PRPS2: variants seen among roughly 807,000 people sequenced by gnomAD.
PRPS2 encodes ribose-phosphate pyrophosphokinase 2.
For synonymous variants in PRPS2, 111 were observed against 115.3 expected (o/e 0.96, Z 0.24); for missense variants, 104 against 271.5 (o/e 0.38, Z 4.34).
chrX:12,800,665 C>A (rs1231598658), intron 2 of PRPS2, among the ~76,000 whole-genome samples: 1 of 111,877 alleles, frequency 8.9e-6, no homozygotes, highest in African/African-American at 3.3e-5. Flanking sequence ...CCCCAATATG[C>A]TGCTTTTTAT....
chrX:12,820,695 C>A lies in PRPS2; in HGVS notation c.756C>A (p.Ile252=). ...TKVYAILTHG[I]FSGPAISRIN... ...TGTATGCTATCCTTACCCATGGGAT[C>A]TTCTCTGGACCAGCTATTTCCAGAA... is the stretch of plus-strand genomic sequence containing the variant. The change falls in exon 6 of 7, where the codon ATC becomes ATA. Residue 252 remains isoleucine, a synonymous_variant. Transcript: ENST00000380668. 2 of 1,211,200 alleles carry A rather than the reference C, an allele frequency of 1.7e-6. No individual in the cohort carries two copies. Among genetic ancestry groups the A allele is most frequent in the Non-Finnish European group, 2.2e-6 (2 of 895,200 alleles).
At chrX:12,799,139 G>A in intron 1 of PRPS2, 68 bp from the exon 2 acceptor site, 1 of 1,053,546 alleles carries the variant, frequency 9.5e-7, no homozygotes, top group Non-Finnish European at 1.3e-6. Flanking sequence ...AAACCTAGGG[G>A]TGGTCTCAGG....
chrX:12,794,800 G>C (rs926061890), intron 1 of PRPS2, among the ~76,000 whole-genome samples: 2 of 111,733 alleles, frequency 1.8e-5, no homozygotes, highest in South Asian at 7.5e-4. Flanking sequence ...TGAGAACTGA[G>C]GTTCCTGAGT....
chrX:12,796,179 C>A (rs1218418463), intron 1 of PRPS2, among the ~76,000 whole-genome samples: 1 of 107,154 alleles, frequency 9.3e-6, no homozygotes, highest in Non-Finnish European at 1.9e-5. Flanking sequence ...CCATGCCCAG[C>A]CTGTTTTTAA....
intron 1 of PRPS2, 77 bp downstream of exon 1, chrX:12,791,696 T>G: frequency 1.2e-6 from 1 of 844,080 alleles, no homozygotes; most frequent in Non-Finnish European, 1.4e-6. Flanking sequence ...GGCCGGCGCC[T>G]GCCCGGGCCA....
chrX:12,810,726 T>C (rs1448928671), intron 4 of PRPS2, among the ~76,000 whole-genome samples: 1 of 110,300 alleles, frequency 9.1e-6, no homozygotes, highest in African/African-American at 3.3e-5. Flanking sequence ...GATGTATGCC[T>C]GTAATCCTAG....
At position 12,796,069 on chromosome X, in the gene PRPS2, C is replaced by T. The variant is rs186484217; in HGVS notation, c.123-3138C>T. ...TTTTCTTTAAAATTTTTTTTAGAGA[C>T]GGGGTCTTGCTATGTTGCCCAGGCT... On this transcript the variant is annotated intron_variant, in intron 1 of 6. Coordinates refer to ENST00000380668, the MANE Select transcript of PRPS2 (RefSeq NM_002765.5). 6.5e-3 allele frequency among the ~76,000 whole-genome samples: 724 copies of T among 111,292 alleles called. 4 individuals carry two copies. The highest frequency in any genetic ancestry group is 9.5e-3 in the Non-Finnish European group (504 of 53,004).
chrX:12,821,151 G>A (rs1461946873), intron 6 of PRPS2, among the ~76,000 whole-genome samples: 1 of 112,020 alleles, frequency 8.9e-6, no homozygotes, highest in African/African-American at 3.2e-5. Context: ...ACAGAAACTT[G>A]TACAGACATG....
intron 6 of PRPS2, among the ~76,000 whole-genome samples, chrX:12,821,952 A>G (rs766236632): frequency 8.9e-6 from 1 of 111,754 alleles, no homozygotes; most frequent in South Asian, 3.8e-4. Context: ...TCAGCGTAGC[A>G]TGAAGGTGCA....
At position 12,817,933 on chromosome X, in the gene PRPS2, C is replaced by G. The variant is rs189336109; in HGVS notation, c.531-1574C>G. On this transcript the variant is annotated intron_variant, in intron 4 of 6. Coordinates refer to ENST00000380668, the MANE Select transcript of PRPS2 (RefSeq NM_002765.5). ...GCCTGCTTAAGGGGTGTGGGGTTTC[C>G]TTTTGATATCATGAAATGTTCTGGA... 4.0e-3 allele frequency among the ~76,000 whole-genome samples: 450 copies of G among 111,128 alleles called. 8 individuals are homozygous for G. Among genetic ancestry groups the G allele is most frequent in the Admixed American group, 0.039 (408 of 10,414 alleles).
chrX:12,791,750 C>T, intron 1 of PRPS2, 131 bp downstream of exon 1: 2 of 664,562 alleles, frequency 3.0e-6, no homozygotes, highest in South Asian at 7.7e-5. Flanking sequence ...GGGACGGTGG[C>T]AACGCGGCCT....
In PRPS2 at chrX:12,809,458, G is replaced by C. The variant is rs1168861041; in HGVS notation, c.405+126G>C. 5 of 686,077 alleles carry C rather than the reference G, an allele frequency of 7.3e-6. No individual in the cohort carries two copies. The African/African-American group carries it at 1.1e-4, about 15-fold the overall frequency. The allele number at this position is 686,077 out of a possible 1,213,427, so 56.5% of individuals were successfully genotyped here. On this transcript the variant is annotated intron_variant, in intron 3 of 6. Coordinates refer to ENST00000380668, the MANE Select transcript of PRPS2 (RefSeq NM_002765.5). ...TTGGATTTTTGTCTTTACTAAACTT[G>C]AAAATATAATTTGATATTAGTACTT...
intron 1 of PRPS2, among the ~76,000 whole-genome samples, chrX:12,794,395 T>C (rs931809436): frequency 8.9e-6 from 1 of 111,776 alleles, no homozygotes; most frequent in African/African-American, 3.3e-5. Context: ...AGACAGGACA[T>C]TGAAGCCACC....
chrX:12,820,537 C>T (rs192038065), intron 5 of PRPS2, 107 bp from the exon 6 acceptor site: 10 of 841,552 alleles, frequency 1.2e-5, no homozygotes, highest in Non-Finnish European at 1.6e-5. Context: ...AAATTTGTTG[C>T]ATTTTTCTTT....
intron 2 of PRPS2, among the ~76,000 whole-genome samples, chrX:12,801,166 T>TA (rs2042567074): frequency 9.0e-6 from 1 of 111,050 alleles, no homozygotes; most frequent in South Asian, 3.9e-4. Context: ...GGATTTGGCC[T>TA]ATAGGCTACA....
At chrX:12,820,590 A>G (rs2042670789) in intron 5 of PRPS2, 54 bp from the exon 6 acceptor site, 1 of 1,134,007 alleles carries the variant, frequency 8.8e-7, no homozygotes. Flanking sequence ...ACTAGGGGAG[A>G]GTATTCCAAG....
At chrX:12,810,495 T>C in intron 4 of PRPS2, 1 of 230,667 alleles carries the variant, frequency 4.3e-6, no homozygotes, top group Non-Finnish European at 7.7e-6. Flanking sequence ...TAACAGCACT[T>C]GGAAATGGTA....
At chrX:12,802,900 C>T (rs1345810605) in intron 2 of PRPS2, among the ~76,000 whole-genome samples, 2 of 111,941 alleles carry the variant, frequency 1.8e-5, no homozygotes, top group Non-Finnish European at 3.8e-5. Flanking sequence ...TCATCAACCA[C>T]GCAGAGGCAG....
At chrX:12,794,787 A>G (rs1180495356) in intron 1 of PRPS2, among the ~76,000 whole-genome samples, 1 of 111,892 alleles carries the variant, frequency 8.9e-6, no homozygotes, top group African/African-American at 3.3e-5. Context: ...ACTGCTAGTC[A>G]TATGAGAACT....
Sources: gnomAD v4.1 joint callset for allele counts (sites outside exome capture counted in the v4.1 genomes callset) on GRCh38, gnomAD v4.1.1 for gene constraint, MANE v1.5 for transcripts, NCBI Gene and HGNC (gene_info 2026-07-23, HGNC 2026-07-21) for gene names.